Variants in DACH2 observed in about 807,000 individuals in gnomAD.
DACH2 encodes dachshund homolog 2.
A neutral mutation model predicts 35.8 loss-of-function variants in DACH2; 17 were observed. The observed-to-expected ratio is 0.48, with a 90% CI of 0.33 to 0.71. DACH2 has a LOEUF of 0.71. Ranked by LOEUF, DACH2 falls within the 30% of genes least tolerant of loss-of-function variation. The probability of loss-of-function intolerance (pLI) is 0.02; values close to 1 mark genes in which losing one functional copy is unlikely to be tolerated. For missense variants in DACH2, 469 were observed against 472.7 expected (o/e 0.99, Z 0.07); for synonymous variants, 195 against 177.3 (o/e 1.10, Z -0.79).
At chrX:86,427,156 C>T (rs1352524725) in intron 2 of DACH2, among the ~76,000 whole-genome samples, 1 of 111,342 alleles carries the variant, frequency 9.0e-6, no homozygotes, top group Non-Finnish European at 1.9e-5. Flanking sequence ...CCAGACTGCC[C>T]TTTATCTATA....
intron 3 of DACH2, among the ~76,000 whole-genome samples, chrX:86,555,647 C>T (rs1310235847): frequency 9.0e-6 from 1 of 111,305 alleles, no homozygotes; most frequent in Non-Finnish European, 1.9e-5. Flanking sequence ...TGTTGGGTAT[C>T]GGCACGTTAT....
intron 6 of DACH2, among the ~76,000 whole-genome samples, chrX:86,730,141 G>A (rs2041516464): frequency 9.0e-6 from 1 of 110,943 alleles, no homozygotes. Flanking sequence ...TGTCACTGAT[G>A]ATCATAACAC....
At chrX:86,629,972 A>G (rs188278346) in intron 3 of DACH2, among the ~76,000 whole-genome samples, 1 of 111,975 alleles carries the variant, frequency 8.9e-6, no homozygotes, top group African/African-American at 3.2e-5. Flanking sequence ...ACTTTATATA[A>G]ATTTTAAGAA....
At chrX:86,502,070 C>CCTTCCTTCTTT (rs2038260218) in intron 2 of DACH2, among the ~76,000 whole-genome samples, 1 of 108,680 alleles carries the variant, frequency 9.2e-6, no homozygotes, top group African/African-American at 3.3e-5. Context: ...TTCCTTCCTT[C>CCTTCCTTCTTT]CTTTGAACCA....
At chrX:86,478,229 T>C (rs990995407) in intron 2 of DACH2, among the ~76,000 whole-genome samples, 1 of 112,037 alleles carries the variant, frequency 8.9e-6, no homozygotes, top group Non-Finnish European at 1.9e-5. Flanking sequence ...TTCTTGTTGC[T>C]CATTAATGTG....
At chrX:86,517,978 A>C (rs965037611) in intron 3 of DACH2, among the ~76,000 whole-genome samples, 3 of 111,146 alleles carry the variant, frequency 2.7e-5, no homozygotes, top group Admixed American at 9.6e-5. Flanking sequence ...GCCCATTCCT[A>C]TGTCTAGGAT....
At chrX:86,703,284 C>G (rs1226611044) in intron 5 of DACH2, among the ~76,000 whole-genome samples, 1 of 110,772 alleles carries the variant, frequency 9.0e-6, no homozygotes, top group Admixed American at 9.6e-5. Context: ...TTATAAAAGC[C>G]ATATATGACA....
intron 3 of DACH2, among the ~76,000 whole-genome samples, chrX:86,537,134 C>G (rs1045999623): frequency 9.0e-6 from 1 of 111,488 alleles, no homozygotes; most frequent in Non-Finnish European, 1.9e-5. Flanking sequence ...GAATTGGCAC[C>G]ATATGTAGGC....
At chrX:86,231,423 C>A (rs891537862) in intron 1 of DACH2, among the ~76,000 whole-genome samples, 1 of 109,510 alleles carries the variant, frequency 9.1e-6, no homozygotes, top group Non-Finnish European at 1.9e-5. Flanking sequence ...TGTCTGGACT[C>A]AGACTCTCTT....
At chrX:86,226,015 G>A (rs745835276) in intron 1 of DACH2, among the ~76,000 whole-genome samples, 1 of 111,170 alleles carries the variant, frequency 9.0e-6, no homozygotes, top group East Asian at 2.8e-4. Context: ...AAAAAAGGAG[G>A]AAGCACAATT....
At chrX:86,572,599 C>A (rs1166585469) in intron 3 of DACH2, among the ~76,000 whole-genome samples, 1 of 111,586 alleles carries the variant, frequency 9.0e-6, no homozygotes, top group Non-Finnish European at 1.9e-5. Flanking sequence ...AATACACATT[C>A]TTGCATTGTT....
intron 3 of DACH2, among the ~76,000 whole-genome samples, chrX:86,601,916 G>A (rs1261045095): frequency 8.9e-6 from 1 of 111,845 alleles, no homozygotes; most frequent in East Asian, 2.8e-4. Flanking sequence ...ACTATTTAGA[G>A]TATACCATTC....
At chrX:86,313,494 G>A (rs1046501901) in intron 1 of DACH2, among the ~76,000 whole-genome samples, 3 of 111,844 alleles carry the variant, frequency 2.7e-5, no homozygotes, top group Non-Finnish European at 5.6e-5. Context: ...TAAGAGCTCT[G>A]AAGAAAACAC....
chrX:86,732,276 G>T (rs1056388157), intron 6 of DACH2, among the ~76,000 whole-genome samples: 1 of 112,038 alleles, frequency 8.9e-6, no homozygotes, highest in African/African-American at 3.2e-5. Context: ...GGCTTATTGT[G>T]CTATTGTCTT....
At chrX:86,293,567 G>C (rs1364700032) in intron 1 of DACH2, among the ~76,000 whole-genome samples, 2 of 110,434 alleles carry the variant, frequency 1.8e-5, no homozygotes, top group Non-Finnish European at 3.8e-5. Context: ...GGTACCGGTT[G>C]TTCCTTTCCA....
At chrX:86,783,200 T>A (rs377440190) in intron 7 of DACH2, among the ~76,000 whole-genome samples, 2 of 111,643 alleles carry the variant, frequency 1.8e-5, no homozygotes, top group African/African-American at 6.5e-5. Flanking sequence ...GAAATGCAAA[T>A]CAAAACTACA....
rs1001166214 is a variant in DACH2, at chrX:86,255,584, A to T, written c.488+106476A>T. On this transcript the variant is annotated intron_variant, in intron 1 of 11. Transcript: ENST00000373125. ...TCCCTCTTTGAGTGTAGGTCTCCTGATCAGTGAACTGGGAGATGACATGTA... is the reference window on the plus strand; with the variant it reads ...TCCCTCTTTGAGTGTAGGTCTCCTGTTCAGTGAACTGGGAGATGACATGTA... 4.7e-5 allele frequency among the ~76,000 whole-genome samples: 5 copies of T among 105,897 alleles called. 1 individual carries two copies. Among genetic ancestry groups the T allele is most frequent in the Non-Finnish European group, 7.9e-5 (4 of 50,569 alleles). The allele number at this position is 105,897 out of a possible 115,157, so 92.0% of individuals were successfully genotyped here. A position where few individuals can be genotyped will look rare whatever the true frequency, so the allele number is the denominator to read the frequency against.
At chrX:86,516,808 C>T (rs939788115) in intron 3 of DACH2, among the ~76,000 whole-genome samples, 1 of 110,770 alleles carries the variant, frequency 9.0e-6, no homozygotes, top group Non-Finnish European at 1.9e-5. Context: ...TGAGAACATG[C>T]GGTATTTGGT....
At chrX:86,450,722 G>T (rs1024064465) in intron 2 of DACH2, among the ~76,000 whole-genome samples, 2 of 105,024 alleles carry the variant, frequency 1.9e-5, no homozygotes, top group African/African-American at 3.8e-5. Context: ...TCACAAGCTT[G>T]CCAGAACCTT....
Sources: allele counts gnomAD v4.1 joint callset (sites outside exome capture counted in the v4.1 genomes callset), GRCh38; gene constraint gnomAD v4.1.1; transcripts MANE v1.5; gene names NCBI Gene and HGNC (gene_info 2026-07-23, HGNC 2026-07-21).